Variants in LONP1 observed in about 807,000 individuals in gnomAD.
The protein encoded by LONP1 is lon peptidase 1, mitochondrial.
In LONP1, 31 loss-of-function variants were observed where a neutral mutation model predicts 98.5. The observed-to-expected ratio is 0.31, with a 90% CI of 0.24 to 0.42. The LOEUF (loss-of-function observed/expected upper bound fraction) is 0.42, where lower values mean the gene tolerates loss of function less well. Among genes scored for constraint, LONP1 ranks in the 20% least tolerant of loss-of-function variants. The probability of loss-of-function intolerance (pLI) is 1.00; values close to 1 mark genes in which losing one functional copy is unlikely to be tolerated. For missense variants in LONP1, 1,336 were observed against 1,350.6 expected, an observed-to-expected ratio of 0.99 and a Z score of 0.17; for synonymous variants, 781 against 594.7, an observed-to-expected ratio of 1.31 and a Z score of -4.56.
rs772785928 is a variant in LONP1 at position 5,694,747 on chromosome 19, G to T, written c.2154+14C>A. 1.9e-6 allele frequency: 3 copies of T among 1,583,622 alleles called. No individual in the cohort carries two copies. Among genetic ancestry groups the T allele is most frequent in the Non-Finnish European group, 2.6e-6 (3 of 1,156,822 alleles). On this transcript the variant is annotated intron_variant, in intron 14 of 17. Coordinates refer to ENST00000360614, the MANE Select transcript of LONP1 (RefSeq NM_004793.4). Reference sequence around the variant, plus strand: ...GTGGGCGGCAGGTGCCAGGAGGGCGGGCTGGCCGCTCACCTTCTCCACTTG... The same window carrying T: ...GTGGGCGGCAGGTGCCAGGAGGGCGTGCTGGCCGCTCACCTTCTCCACTTG...
chr19:5,692,400 T>C (rs2145574121), intron 17 of LONP1, among the ~76,000 whole-genome samples, 192 bp from the exon 18 acceptor site: 1 of 152,276 alleles, frequency 6.6e-6, no homozygotes, highest in East Asian at 1.9e-4. Flanking sequence ...ACCACTGGCC[T>C]TGGCTCCAAC....
At chr19:5,711,143 G>A (rs1258944993) in intron 4 of LONP1, among the ~76,000 whole-genome samples, 1 of 152,214 alleles carries the variant, frequency 6.6e-6, no homozygotes, top group Admixed American at 6.5e-5. Flanking sequence ...AGCGCCCACA[G>A]CAGACATCAC....
intron 10 of LONP1, among the ~76,000 whole-genome samples, chr19:5,697,576 GGAGGAAGAAGA>G (rs1438490785): frequency 2.4e-5 from 3 of 125,990 alleles, no homozygotes; most frequent in Non-Finnish European, 5.0e-5. Context: ...AGAGGGAGGG[GGAGGAAGAAGA>G]GAGGGAGAGA....
At chr19:5,718,495 A>AAT (rs1568330649) in intron 1 of LONP1, among the ~76,000 whole-genome samples, 1 of 151,572 alleles carries the variant, frequency 6.6e-6, no homozygotes, top group African/African-American at 2.4e-5. Context: ...AAAAAAAAAA[A>AAT]ATCTTGGAGC....
intron 4 of LONP1, among the ~76,000 whole-genome samples, chr19:5,711,299 C>T (rs747037282): frequency 6.6e-6 from 1 of 152,258 alleles, no homozygotes; most frequent in African/African-American, 2.4e-5. Flanking sequence ...CAGGTGGCAC[C>T]GCCAAGAGCC....
chr19:5,693,050 G>A (rs1328299786), intron 17 of LONP1, among the ~76,000 whole-genome samples: 1 of 152,162 alleles, frequency 6.6e-6, no homozygotes, highest in African/African-American at 2.4e-5. Context: ...GGGAAGAGAA[G>A]CAGGAGCCAC....
Position 5,707,164 on chromosome 19 carries a change from G to A in LONP1, c.1063-21C>T, listed in dbSNP as rs769275492. ...GGAATCTGCCGAGACAGGGAGGACAGAAAGGATGAGCAGAAGTCGGCATCT... is the reference window on the plus strand; with the variant it reads ...GGAATCTGCCGAGACAGGGAGGACAAAAAGGATGAGCAGAAGTCGGCATCT... On this transcript the variant is annotated intron_variant, in intron 6 of 17. Coordinates refer to ENST00000360614, the MANE Select transcript of LONP1 (RefSeq NM_004793.4). 1.6e-5 allele frequency: 25 copies of A among 1,604,760 alleles called. No homozygotes were observed. The African/African-American group carries it at 2.3e-4, about 15-fold the overall frequency.
upstream of LONP1, chr19:5,720,380 G>C (rs1306387428): frequency 4.9e-6 from 3 of 613,000 alleles, no homozygotes; most frequent in Non-Finnish European, 8.0e-6. Context: ...GCAGGCGCCA[G>C]CGCCCGTACA....
chr19:5,708,392 T>G lies in LONP1; in HGVS notation c.882A>C (p.Ala294=), dbSNP rs767230165. 7.8e-7 allele frequency: 1 copy of G among 1,282,692 alleles called. No homozygotes were observed. The highest frequency in any genetic ancestry group is 1.0e-6 in the Non-Finnish European group (1 of 958,526). 79.5% of individuals were successfully genotyped at this position (1,282,692 alleles called of 1,614,324 possible). A position where few individuals can be genotyped will look rare whatever the true frequency, so the allele number is the denominator to read the frequency against. Residue 294 remains alanine (A), a synonymous_variant, in exon 5 of 18, where the codon GCA becomes GCC. Coordinates refer to ENST00000360614, the MANE Select transcript of LONP1 (RefSeq NM_004793.4). ...TGTCCCGGATGGTCTTCACGATCTCTGCAGTCAGGGCCTGCCAAGTATGGG... is the reference window on the plus strand; with the variant it reads ...TGTCCCGGATGGTCTTCACGATCTCGGCAGTCAGGGCCTGCCAAGTATGGG... ...QVTEEVKALT[A]EIVKTIRDII... is the part of the protein sequence containing the mutation.
intron 4 of LONP1, among the ~76,000 whole-genome samples, chr19:5,710,197 C>T (rs533160201): frequency 6.6e-6 from 1 of 151,632 alleles, no homozygotes; most frequent in South Asian, 2.1e-4. Context: ...AATTCTCCCG[C>T]CTCAGTAATC....
intron 6 of LONP1, 47 bp from the exon 7 acceptor site, chr19:5,707,190 G>A: frequency 1.3e-6 from 2 of 1,534,120 alleles, no homozygotes; most frequent in Non-Finnish European, 1.8e-6. Flanking sequence ...GTCGGCATCT[G>A]TGTGTGTAGG....
At chr19:5,712,225 T>A (rs1441529304) in intron 3 of LONP1, among the ~76,000 whole-genome samples, 1 of 152,146 alleles carries the variant, frequency 6.6e-6, no homozygotes, top group Admixed American at 6.5e-5. Flanking sequence ...GATTCAGGCA[T>A]TCCCTGCATC....
At chr19:5,707,893 CG>C in intron 5 of LONP1, 67 bp from the exon 6 acceptor site, 1 of 1,577,628 alleles carries the variant, frequency 6.3e-7, no homozygotes, top group Non-Finnish European at 8.6e-7. Flanking sequence ...AGCCCCCAAA[CG>C]GGGACCCGGT....
chr19:5,714,109 TAC>T, intron 2 of LONP1, 72 bp downstream of exon 2: 2 of 1,209,492 alleles, frequency 1.7e-6, no homozygotes, highest in Non-Finnish European at 2.4e-6. Flanking sequence ...AGGTGCAAAG[TAC>T]AGAGTAGGAC....
chr19:5,698,980 G>A, intron 10 of LONP1, 47 bp downstream of exon 10: 3 of 1,534,914 alleles, frequency 2.0e-6, no homozygotes, highest in Admixed American at 1.9e-5. Flanking sequence ...AAGCCCGGCA[G>A]CACAGCTGAG....
rs1599475959 is a variant in LONP1 at position 5,711,836 on chromosome 19, CAGCCGGG to C, written c.798_804del (p.Pro267ArgfsTer7). On this transcript the variant is annotated frameshift_variant, in exon 4 of 18. Transcript: ENST00000360614. LOFTEE classifies it high-confidence loss of function. ...TTCTCTACCTCCACCATGAGCACCT[CAGCCGGG>C]AGCTCAGGGGTGGGCTCCATCGCCA... 6.2e-7 allele frequency: 1 copy of C among 1,612,892 alleles called. No homozygotes were observed. Among genetic ancestry groups the C allele is most frequent in the Admixed American group, 1.7e-5 (1 of 60,018 alleles).
chr19:5,694,684 GGCATGGAAAGGTGGGGTGATCA>G, intron 14 of LONP1, 55 bp downstream of exon 14: 1 of 1,568,772 alleles, frequency 6.4e-7, no homozygotes, highest in African/African-American at 1.3e-5. Context: ...TGGGATGATG[GGCATGGAAAGGTGGGGTGATCA>G]GCGTGGGATG....
At chr19:5,696,000 G>C (rs1466639639) in intron 13 of LONP1, 54 bp downstream of exon 13, 3 of 1,524,126 alleles carry the variant, frequency 2.0e-6, no homozygotes, top group Non-Finnish European at 2.7e-6. Flanking sequence ...GCAGGCTCTG[G>C]GGGGCGCCCC....
intron 9 of LONP1, among the ~76,000 whole-genome samples, chr19:5,699,828 G>C (rs1030022713): frequency 1.3e-5 from 2 of 152,064 alleles, no homozygotes; most frequent in Admixed American, 6.6e-5. Flanking sequence ...CAAGTGCTGG[G>C]ATTACAGGTG....
Sources: gnomAD v4.1 joint callset for allele counts (sites outside exome capture counted in the v4.1 genomes callset) on GRCh38, gnomAD v4.1.1 for gene constraint, MANE v1.5 for transcripts, NCBI Gene and HGNC (gene_info 2026-07-23, HGNC 2026-07-21) for gene names.